The following ZNF503 variants were observed in gnomAD, a reference collection of about 807,000 sequenced individuals.
The protein encoded by ZNF503 is zinc finger protein 503, also known as NocA-like zinc finger 2.
ZNF503 carries 15 observed loss-of-function variants against 34.4 expected under a neutral mutation model. That is an observed-to-expected ratio of 0.44 (90% CI 0.29 to 0.67). The LOEUF is 0.67. Among genes scored for constraint, ZNF503 ranks in the 30% least tolerant of loss-of-function variants. The pLI is 0.13. For missense variants in ZNF503, 1,007 were observed against 926.8 expected (o/e 1.09, Z -1.12); for synonymous variants, 580 against 456.8 (o/e 1.27, Z -3.44).
the ZNF503 span, among the ~76,000 whole-genome samples, chr10:75,363,671 C>A: frequency 6.6e-6 from 1 of 152,236 alleles, no homozygotes; most frequent in African/African-American, 2.4e-5. Context: ...CTGTGCAGTG[C>A]ACAACCTGCA....
chr10:75,342,217 A>G, the ZNF503 span, among the ~76,000 whole-genome samples: 3 of 152,072 alleles, frequency 2.0e-5, no homozygotes, highest in Non-Finnish European at 2.9e-5. Flanking sequence ...AAGTCATCAG[A>G]GGCATTGTTA....
the ZNF503 span, among the ~76,000 whole-genome samples, chr10:75,336,075 A>G: frequency 6.6e-6 from 1 of 152,184 alleles, no homozygotes; most frequent in East Asian, 1.9e-4. Context: ...TCAGGAACTG[A>G]CTTTGGCCAA....
chr10:75,370,216 A>G, the ZNF503 span, among the ~76,000 whole-genome samples: 1 of 152,198 alleles, frequency 6.6e-6, no homozygotes, highest in Non-Finnish European at 1.5e-5. Context: ...TAAAAACACT[A>G]AGCTAATACT....
chr10:75,334,236 G>A, the ZNF503 span, among the ~76,000 whole-genome samples: 299 of 152,172 alleles, frequency 2.0e-3, 3 homozygotes, highest in African/African-American at 6.6e-3. Flanking sequence ...TCCTCCAGCC[G>A]CTGCCTCCCG....
the ZNF503 span, among the ~76,000 whole-genome samples, chr10:75,294,124 G>A: frequency 9.4e-3 from 1,428 of 152,328 alleles, 30 homozygotes; most frequent in African/African-American, 0.033. Flanking sequence ...GGTTACCAGC[G>A]TCTCCTTTGG....
the ZNF503 span, among the ~76,000 whole-genome samples, chr10:75,376,619 G>C: frequency 6.6e-6 from 1 of 152,008 alleles, no homozygotes; most frequent in African/African-American, 2.4e-5. Context: ...ACTCCAGCCT[G>C]GGTGACAGAG....
the ZNF503 span, among the ~76,000 whole-genome samples, chr10:75,392,681 G>C: frequency 1.1e-4 from 16 of 152,172 alleles, no homozygotes; most frequent in Admixed American, 1.0e-3. Context: ...CATGATTACA[G>C]GCACCCTGAT....
At chr10:75,303,256 G>T in the ZNF503 span, among the ~76,000 whole-genome samples, 1 of 152,226 alleles carries the variant, frequency 6.6e-6, no homozygotes, top group African/African-American at 2.4e-5. Context: ...AGGTGGGAAG[G>T]CTAGGGGAGA....
At chr10:75,375,790 T>C in the ZNF503 span, among the ~76,000 whole-genome samples, 1 of 152,240 alleles carries the variant, frequency 6.6e-6, no homozygotes, top group African/African-American at 2.4e-5. Flanking sequence ...CTGCTGGGAT[T>C]ACATACATGA....
rs765073633 is a variant in ZNF503 at position 75,401,310 on chromosome 10, G to A, written c.110C>T (p.Ser37Phe). 4 of 1,552,394 alleles carry A rather than the reference G, an allele frequency of 2.6e-6. No individual in the cohort carries two copies. Among genetic ancestry groups the A allele is most frequent in the African/African-American group, 1.4e-5 (1 of 73,432 alleles). ...TGGGCCGGGGCCGGAGCTATTTCCA[G>A]AGAGCGCGCTGGTCCAGGCAGGGTC... ...GADPAWTSAL[S>F]GNSSGPGPGS... The change falls in exon 1 of 2, where the codon TCT (serine) becomes TTT (phenylalanine). Residue 37 changes from serine to phenylalanine, a missense_variant. Transcript: ENST00000372524.
chr10:75,324,333 T>A, the ZNF503 span, among the ~76,000 whole-genome samples: 1 of 151,666 alleles, frequency 6.6e-6, no homozygotes, highest in Non-Finnish European at 1.5e-5. Flanking sequence ...TTTCTGTTTT[T>A]TTTTTGAGAC....
the ZNF503 span, among the ~76,000 whole-genome samples, chr10:75,344,686 A>G: frequency 6.6e-6 from 1 of 152,208 alleles, no homozygotes; most frequent in South Asian, 2.1e-4. Context: ...AAAAGAATAC[A>G]TCTCTATTTG....
chr10:75,382,304 C>T, the ZNF503 span: 1 of 253,904 alleles, frequency 3.9e-6, no homozygotes, highest in Non-Finnish European at 8.1e-6. Context: ...ATCAAATCTT[C>T]CTTACTAAGG....
At position 75,401,221 on chromosome 10, in the gene ZNF503, G is replaced by A. The variant is rs1317714128; in HGVS notation, c.199C>T (p.Arg67Cys). ...VHAVPPSDPL[R>C]QANRLPIKVL... The stretch of plus-strand genomic sequence containing the variant: ...TTGATTGGCAGGCGGTTGGCCTGGC[G>A]CAGGGGGTCAGAGGGGGGCACGGCG... Residue 67 changes from arginine to cysteine, a missense_variant, in exon 1 of 2, where the codon CGC becomes TGC. Coordinates refer to ENST00000372524, the MANE Select transcript of ZNF503 (RefSeq NM_032772.6). 6.2e-7 allele frequency: 1 copy of A among 1,607,924 alleles called. No homozygotes were observed. The highest frequency in any genetic ancestry group is 1.3e-5 in the African/African-American group (1 of 74,924).
the ZNF503 span, among the ~76,000 whole-genome samples, chr10:75,346,806 A>C: frequency 1.2e-5 from 1 of 84,172 alleles, no homozygotes; most frequent in Admixed American, 1.0e-4. Flanking sequence ...TATTAAAAAG[A>C]ATTTTTTTTT....
chr10:75,382,396 G>A, the ZNF503 span: 1 of 363,504 alleles, frequency 2.8e-6, no homozygotes, highest in Non-Finnish European at 5.5e-6. Flanking sequence ...TCCTCAACTT[G>A]TATTCCTCTG....
At chr10:75,345,103 T>C in the ZNF503 span, among the ~76,000 whole-genome samples, 2 of 152,232 alleles carry the variant, frequency 1.3e-5, no homozygotes, top group Non-Finnish European at 1.5e-5. Flanking sequence ...CTTAGTTGTA[T>C]GACTTTGAGG....
In ZNF503 at chr10:75,399,318, C is replaced by A; in HGVS notation, c.1372G>T (p.Ala458Ser). 6.2e-7 allele frequency: 1 copy of A among 1,603,532 alleles called. No individual in the cohort carries two copies. The highest frequency in any genetic ancestry group is 8.5e-7 in the Non-Finnish European group (1 of 1,176,712). The part of the protein sequence containing the change: ...SASCAHDPAA[A>S]AAALKSGYPL... ...TATCCGGACTTCAGCGCCGCAGCCGCAGCAGCCGGATCATGTGCGCAAGAA... is the reference window on the plus strand; with the variant it reads ...TATCCGGACTTCAGCGCCGCAGCCGAAGCAGCCGGATCATGTGCGCAAGAA... Residue 458 changes from alanine (A) to serine (S), a missense_variant, in exon 2 of 2, where the codon GCG becomes TCG. Coordinates refer to ENST00000372524, the MANE Select transcript of ZNF503 (RefSeq NM_032772.6).
At chr10:75,298,267 A>G in the ZNF503 span, among the ~76,000 whole-genome samples, 1 of 152,240 alleles carries the variant, frequency 6.6e-6, no homozygotes, top group African/African-American at 2.4e-5. Context: ...TATATTTACA[A>G]AGCTGTACAA....
Sources: allele counts gnomAD v4.1 joint callset (sites outside exome capture counted in the v4.1 genomes callset), GRCh38; gene constraint gnomAD v4.1.1; transcripts MANE v1.5; gene names NCBI Gene and HGNC (gene_info 2026-07-23, HGNC 2026-07-21).